ZFAND3: variants seen among roughly 807,000 people sequenced by gnomAD.
ZFAND3 encodes the protein zinc finger AN1-type containing 3.
Under a neutral mutation model 29.6 loss-of-function variants are expected in ZFAND3, and 10 were observed. The observed-to-expected ratio is 0.34, with a 90% CI of 0.21 to 0.57. The LOEUF (loss-of-function observed/expected upper bound fraction) is 0.57, where lower values mean the gene tolerates loss of function less well. Ranked by LOEUF, ZFAND3 falls within the 20% of genes least tolerant of loss-of-function variation. The probability of loss-of-function intolerance (pLI) is 0.86; values close to 1 mark genes in which losing one functional copy is unlikely to be tolerated. For missense variants in ZFAND3, 230 were observed against 304.5 expected (o/e 0.76, Z 1.82); for synonymous variants, 128 against 112.6 (o/e 1.14, Z -0.87).
intron 3 of ZFAND3, among the ~76,000 whole-genome samples, chr6:38,068,107 C>T (rs1296282096): frequency 6.6e-6 from 1 of 152,142 alleles, no homozygotes; most frequent in Admixed American, 6.5e-5. Flanking sequence ...CTTCTAAGCT[C>T]TGTGGAGGTA....
intron 2 of ZFAND3, among the ~76,000 whole-genome samples, chr6:38,031,511 C>T (rs1372809734): frequency 5.3e-5 from 8 of 152,128 alleles, no homozygotes; most frequent in Non-Finnish European, 8.8e-5. Context: ...ACTTGCAAGC[C>T]TGTCTCAGTT....
chr6:38,111,155 C>T (rs1765307941), intron 4 of ZFAND3, among the ~76,000 whole-genome samples: 1 of 152,184 alleles, frequency 6.6e-6, no homozygotes, highest in Admixed American at 6.5e-5. Flanking sequence ...CTTTCTGAGA[C>T]TGGCTAGGAA....
chr6:37,920,542 G>A (rs992058231), intron 1 of ZFAND3, among the ~76,000 whole-genome samples: 1 of 152,042 alleles, frequency 6.6e-6, no homozygotes, highest in Non-Finnish European at 1.5e-5. Flanking sequence ...AAAAATCGAG[G>A]CATTTTGCTC....
In ZFAND3 at chr6:38,120,320, CTTTTTTTTTTTTT is replaced by C. The variant is rs70981523; in HGVS notation, c.529+3599_529+3611del. On this transcript the variant is annotated intron_variant, in intron 5 of 5. Coordinates refer to ENST00000287218, the MANE Select transcript of ZFAND3 (RefSeq NM_021943.3). The stretch of plus-strand genomic sequence containing the variant: ...TGATTGATACACGTAGCTTGGCTTC[CTTTTTTTTTTTTT>C]TTTTTTTTTTTTTTTTTGTGGAGAC... 4.0e-3 allele frequency among the ~76,000 whole-genome samples: 242 copies of C among 60,750 alleles called. 3 individuals are homozygous for C. Among genetic ancestry groups the C allele is most frequent in the African/African-American group, 0.012 (220 of 17,800 alleles). 39.9% of individuals were successfully genotyped at this position (60,750 alleles called of 152,430 possible). A position where few individuals can be genotyped will look rare whatever the true frequency, so the allele number is the denominator to read the frequency against.
At chr6:38,077,268 A>G (rs1764572833) in intron 3 of ZFAND3, among the ~76,000 whole-genome samples, 1 of 152,194 alleles carries the variant, frequency 6.6e-6, no homozygotes. Context: ...TTTGTTGTCC[A>G]GAATTACCTT....
intron 1 of ZFAND3, among the ~76,000 whole-genome samples, chr6:37,850,259 G>A (rs1006783126): frequency 6.6e-6 from 1 of 152,212 alleles, no homozygotes; most frequent in African/African-American, 2.4e-5. Flanking sequence ...TTTTGGAAGA[G>A]ATGAGGTTTT....
Position 37,953,880 on chromosome 6 carries a change from C to T in ZFAND3, c.112+23881C>T, listed in dbSNP as rs948700082. Among the ~76,000 whole-genome samples, 21 of 152,222 alleles carry T rather than the reference C, an allele frequency of 1.4e-4. 1 individual carries two copies. In the South Asian group the frequency reaches 4.4e-3, roughly 32 times the overall value. On this transcript the variant is annotated intron_variant, in intron 2 of 5. Coordinates refer to ENST00000287218, the MANE Select transcript of ZFAND3 (RefSeq NM_021943.3). ...CTCTCTGGTATCATTTCCTTTTTGT[C>T]TGAAGAATTTCTTTTAACATTTCTT...
chr6:38,063,742 G>C (rs1764288153), intron 3 of ZFAND3, among the ~76,000 whole-genome samples: 1 of 152,202 alleles, frequency 6.6e-6, no homozygotes, highest in Non-Finnish European at 1.5e-5. Context: ...CCAAGACATA[G>C]AGGCTAAATG....
At chr6:37,888,522 AT>A (rs1765039071) in intron 1 of ZFAND3, among the ~76,000 whole-genome samples, 1 of 152,218 alleles carries the variant, frequency 6.6e-6, no homozygotes, top group African/African-American at 2.4e-5. Flanking sequence ...ATTATGTGAA[AT>A]TATATATGCA....
At chr6:37,969,460 G>A (rs1762347720) in intron 2 of ZFAND3, among the ~76,000 whole-genome samples, 1 of 152,034 alleles carries the variant, frequency 6.6e-6, no homozygotes, top group Non-Finnish European at 1.5e-5. Context: ...CCTATAGTCG[G>A]GCAAAAATCA....
chr6:37,882,671 G>C (rs908701209), intron 1 of ZFAND3, among the ~76,000 whole-genome samples: 2 of 150,776 alleles, frequency 1.3e-5, no homozygotes, highest in Non-Finnish European at 2.9e-5. Context: ...CACCCTTTTG[G>C]ATATTAGAGA....
chr6:38,002,285 C>T (rs201445578), intron 2 of ZFAND3, among the ~76,000 whole-genome samples: 26 of 137,886 alleles, frequency 1.9e-4, no homozygotes, highest in East Asian at 4.1e-4. Context: ...ATTTTCTTTT[C>T]TTTTTTTTTT....
rs905383233 is a variant in ZFAND3 at position 38,083,270 on chromosome 6, G to A, written c.361+813G>A. On this transcript the variant is annotated intron_variant, in intron 4 of 5. Coordinates refer to ENST00000287218, the MANE Select transcript of ZFAND3 (RefSeq NM_021943.3). ...CTCCTTTAAATGCTCATAATTTGAT[G>A]CTAGGCCTCAGTCAGGCCCATGTTT... 7.2e-5 allele frequency among the ~76,000 whole-genome samples: 11 copies of A among 152,224 alleles called. 1 individual carries two copies. The highest frequency in any genetic ancestry group is 3.3e-4 in the Admixed American group (5 of 15,278).
rs78202196 is a variant in ZFAND3 at position 38,040,132 on chromosome 6, C to T, written c.113-21461C>T. Among the ~76,000 whole-genome samples the T allele has an allele frequency of 0.017, 2,598 of 152,060 alleles. 254 individuals are homozygous for T. The East Asian group carries it at 0.28, about 16-fold the overall frequency. On this transcript the variant is annotated intron_variant, in intron 2 of 5. Coordinates refer to ENST00000287218, the MANE Select transcript of ZFAND3 (RefSeq NM_021943.3). ...TAAGCCTGCATTTTCTACTTTTTTT[C>T]GTTGTCTGTATGTAGATACCTGCCT...
intron 1 of ZFAND3, among the ~76,000 whole-genome samples, chr6:37,843,758 G>A (rs1764123403): frequency 6.6e-6 from 1 of 150,782 alleles, no homozygotes; most frequent in East Asian, 1.9e-4. Context: ...TTCTTTTCTA[G>A]CTGAGACATT....
rs1761539693 is a variant in ZFAND3 at position 37,928,879 on chromosome 6, T to C, written c.72-1080T>C. Reference sequence around the variant, plus strand: ...TAGGGTGCTGTGCTGTCAGGTGCTGTGTTGTGAACAAAGGATGTTGGGTTG... The same window carrying C: ...TAGGGTGCTGTGCTGTCAGGTGCTGCGTTGTGAACAAAGGATGTTGGGTTG... On this transcript the variant is annotated intron_variant, in intron 1 of 5. Coordinates refer to ENST00000287218, the MANE Select transcript of ZFAND3 (RefSeq NM_021943.3). Among the ~76,000 whole-genome samples the C allele has an allele frequency of 2.0e-5, 3 of 152,168 alleles. No homozygotes were observed. In the South Asian group the frequency reaches 6.2e-4, roughly 31 times the overall value.
At chr6:37,831,688 A>G (rs1012324951) in intron 1 of ZFAND3, among the ~76,000 whole-genome samples, 1 of 152,146 alleles carries the variant, frequency 6.6e-6, no homozygotes, top group Non-Finnish European at 1.5e-5. Context: ...CCACATGAAG[A>G]TGGTAAGGAG....
chr6:37,838,871 T>TCA (rs776651921), intron 1 of ZFAND3, among the ~76,000 whole-genome samples: 34 of 152,230 alleles, frequency 2.2e-4, no homozygotes, highest in Non-Finnish European at 1.6e-4. Context: ...TAACTCTGTT[T>TCA]AACTTTTGAG....
chr6:37,835,168 T>C (rs1451036556), intron 1 of ZFAND3, among the ~76,000 whole-genome samples: 1 of 152,168 alleles, frequency 6.6e-6, no homozygotes, highest in Non-Finnish European at 1.5e-5. Flanking sequence ...GGTTTTTGTT[T>C]TGTTGTTGGA....
Sources: allele counts gnomAD v4.1 joint callset (sites outside exome capture counted in the v4.1 genomes callset), GRCh38; gene constraint gnomAD v4.1.1; transcripts MANE v1.5; gene names NCBI Gene and HGNC (gene_info 2026-07-23, HGNC 2026-07-21).